The following OSBP variants were observed in gnomAD, a reference collection of about 807,000 sequenced individuals.
The protein encoded by OSBP is oxysterol-binding protein 1.
A neutral mutation model predicts 96.6 loss-of-function variants in OSBP; 32 were observed. That is an observed-to-expected ratio of 0.33 (90% CI 0.25 to 0.45). The LOEUF is 0.45. Ranked by LOEUF, OSBP falls within the 20% of genes least tolerant of loss-of-function variation. OSBP has a pLI of 1.00. For missense variants in OSBP, 653 were observed against 1,029.7 expected (o/e 0.63, Z 5.01); for synonymous variants, 369 against 389.6 (o/e 0.95, Z 0.62).
chr11:59,605,084 C>T (rs1016480859), intron 3 of OSBP, among the ~76,000 whole-genome samples: 8 of 150,284 alleles, frequency 5.3e-5, no homozygotes, highest in African/African-American at 1.2e-4. Context: ...ACCCGGGAGG[C>T]GGAGGTTACA....
Position 59,610,364 on chromosome 11 carries a change from T to C in OSBP, c.571+17A>G, listed in dbSNP as rs1308755866. The C allele has an allele frequency of 6.2e-7, 1 of 1,607,368 alleles. No homozygotes were observed. The highest frequency in any genetic ancestry group is 8.5e-7 in the Non-Finnish European group (1 of 1,175,446). On this transcript the variant is annotated intron_variant, in intron 2 of 13. Coordinates refer to ENST00000263847, the MANE Select transcript of OSBP (RefSeq NM_002556.3). ...GCAAAAAGAAAGTTCCCCAGGCAGG[T>C]GTTCTTTGTTCCTGACCTGACTCTG...
In OSBP at chr11:59,608,517, T is replaced by C. The variant is rs149495826; in HGVS notation, c.789A>G (p.Thr263=). 1.2e-6 allele frequency: 2 copies of C among 1,614,036 alleles called. No individual in the cohort carries two copies. Among genetic ancestry groups the C allele is most frequent in the East Asian group, 4.5e-5 (2 of 44,878 alleles). ...TGGCATTGGATGTTATCCTAAAGAGTGTGGCTCGTTCGTTGACCTGTTTGA... is the reference window on the plus strand; with the variant it reads ...TGGCATTGGATGTTATCCTAAAGAGCGTGGCTCGTTCGTTGACCTGTTTGA... ...EKIKQVNERA[T]LFRITSNAMI... is the part of the protein sequence containing the mutation. Residue 263 remains threonine (T), a synonymous_variant, in exon 3 of 14, where the codon ACA becomes ACG. Transcript: ENST00000263847.
chr11:59,592,625 T>C (rs544696892), intron 9 of OSBP, among the ~76,000 whole-genome samples: 2 of 152,190 alleles, frequency 1.3e-5, no homozygotes, highest in South Asian at 2.1e-4. Context: ...TGGCCAAACA[T>C]GGTTGCTCTA....
chr11:59,615,268 G>A lies in OSBP; in HGVS notation c.362+35C>T, dbSNP rs1008669756. ...TGGGACTGTTGGCAGATATGGGGGA[G>A]GCAAGGTGAGCGACAGCGCCCCGGA... On this transcript the variant is annotated intron_variant, in intron 1 of 13. Coordinates refer to ENST00000263847, the MANE Select transcript of OSBP (RefSeq NM_002556.3). 20 of 1,538,212 alleles carry A rather than the reference G, an allele frequency of 1.3e-5. No homozygotes were observed. In the South Asian group the frequency reaches 1.9e-4, roughly 15 times the overall value.
chr11:59,589,160 T>C (rs1398962329), intron 9 of OSBP, among the ~76,000 whole-genome samples: 1 of 150,930 alleles, frequency 6.6e-6, no homozygotes, highest in African/African-American at 2.4e-5. Context: ...TCTTTTTTTT[T>C]TTTTTTTGTA....
At chr11:59,611,135 C>CAAAAAAAA (rs35074206) in intron 1 of OSBP, among the ~76,000 whole-genome samples, 5 of 59,888 alleles carry the variant, frequency 8.3e-5, no homozygotes, top group Admixed American at 1.7e-4. Flanking sequence ...AACTCCGTCT[C>CAAAAAAAA]AAAAAAAAAA....
intron 9 of OSBP, among the ~76,000 whole-genome samples, chr11:59,589,911 A>T (rs1860556397): frequency 6.6e-6 from 1 of 152,084 alleles, no homozygotes; most frequent in Non-Finnish European, 1.5e-5. Flanking sequence ...TGAACCCAGG[A>T]GGAGGAGGTT....
intron 2 of OSBP, 79 bp downstream of exon 2, chr11:59,610,302 G>T: frequency 8.5e-7 from 1 of 1,177,676 alleles, no homozygotes; most frequent in Non-Finnish European, 1.3e-6. Flanking sequence ...AAATGACACA[G>T]CATAATGATG....
Position 59,578,296 on chromosome 11 carries a change from A to C in OSBP, c.1913T>G (p.Val638Gly). 1 of 1,614,188 alleles carries C rather than the reference A, an allele frequency of 6.2e-7. No homozygotes were observed. The highest frequency in any genetic ancestry group is 8.5e-7 in the Non-Finnish European group (1 of 1,180,034). Reference sequence around the variant, plus strand: ...CCACGTCCCCAGAAGAGCAAAGTGGACTTTTCCTGATGGATCTGTCACTTC... The same window carrying C: ...CCACGTCCCCAGAAGAGCAAAGTGGCCTTTTCCTGATGGATCTGTCACTTC... ...TGEVTDPSGK[V>G]HFALLGTWDE... The change falls in exon 12 of 14, where the codon GTC becomes GGC. Residue 638 changes from valine to glycine, a missense_variant. Around this residue, in one of 6 missense-constraint regions of OSBP, gnomAD observed 169 missense variants for 251.5 expected, o/e 0.67. Coordinates refer to ENST00000263847, the MANE Select transcript of OSBP (RefSeq NM_002556.3).
chr11:59,605,548 A>G (rs1048653823), intron 3 of OSBP, among the ~76,000 whole-genome samples: 1 of 151,784 alleles, frequency 6.6e-6, no homozygotes, highest in Non-Finnish European at 1.5e-5. Context: ...TGTCTGGCTA[A>G]TTTTTTTATT....
chr11:59,607,538 T>C (rs1860796459), intron 3 of OSBP, among the ~76,000 whole-genome samples: 1 of 152,080 alleles, frequency 6.6e-6, no homozygotes, highest in Non-Finnish European at 1.5e-5. Context: ...TGGGAAAGTC[T>C]GGCACTAGAG....
intron 3 of OSBP, among the ~76,000 whole-genome samples, chr11:59,606,638 A>G (rs1331487043): frequency 1.3e-5 from 2 of 152,224 alleles, no homozygotes; most frequent in Non-Finnish European, 2.9e-5. Flanking sequence ...ATCACGCAAT[A>G]TACCTATGTA....
intron 7 of OSBP, among the ~76,000 whole-genome samples, chr11:59,594,561 G>A (rs1362825512): frequency 6.6e-6 from 1 of 152,208 alleles, no homozygotes; most frequent in Non-Finnish European, 1.5e-5. Context: ...CATCAAATAG[G>A]TGTTGGATGA....
rs767109972 is a variant in OSBP at position 59,576,982 on chromosome 11, T to A, written c.2104A>T (p.Thr702Ser). 7 of 1,613,984 alleles carry A rather than the reference T, an allele frequency of 4.3e-6. No homozygotes were observed. The South Asian group carries it at 7.7e-5, about 18-fold the overall frequency. ...GTGCCACTTTCCCAAGCATTGAGAGTCAGAGCAAGCTCTGAGAAGTAGTAC... is the reference window on the plus strand; with the variant it reads ...GTGCCACTTTCCCAAGCATTGAGAGACAGAGCAAGCTCTGAGAAGTAGTAC... Reference protein sequence around the residue: ...NMYYFSELALTLNAWESGTAP... With the variant: ...NMYYFSELALSLNAWESGTAP... Residue 702 changes from threonine (T) to serine (S), a missense_variant, in exon 13 of 14, where the codon ACT becomes TCT. This residue lies in a region of OSBP where 169 missense variants were observed against 251.5 expected (regional missense o/e 0.67). Coordinates refer to ENST00000263847, the MANE Select transcript of OSBP (RefSeq NM_002556.3).
At chr11:59,577,771 G>C (rs979489883) in intron 12 of OSBP, among the ~76,000 whole-genome samples, 1 of 152,178 alleles carries the variant, frequency 6.6e-6, no homozygotes, top group Non-Finnish European at 1.5e-5. Context: ...GATTGCAGGC[G>C]TGAGCCACCG....
intron 1 of OSBP, among the ~76,000 whole-genome samples, chr11:59,611,630 A>G (rs1315226973): frequency 3.9e-5 from 6 of 152,208 alleles, no homozygotes; most frequent in Non-Finnish European, 1.5e-5. Context: ...GGAATCACCA[A>G]GTGTTTTAAT....
chr11:59,607,074 T>G (rs1014706639), intron 3 of OSBP, among the ~76,000 whole-genome samples: 4 of 152,204 alleles, frequency 2.6e-5, no homozygotes, highest in Non-Finnish European at 4.4e-5. Flanking sequence ...AAGGGATGCT[T>G]TACTTAGCAA....
intron 12 of OSBP, 97 bp from the exon 13 acceptor site, chr11:59,577,122 A>G: frequency 2.2e-6 from 2 of 926,504 alleles, no homozygotes; most frequent in Admixed American, 2.6e-5. Flanking sequence ...CACATCACCA[A>G]GGCTGTTCTA....
intron 1 of OSBP, among the ~76,000 whole-genome samples, chr11:59,611,578 T>C (rs1163955805): frequency 1.3e-5 from 2 of 152,156 alleles, no homozygotes; most frequent in Non-Finnish European, 2.9e-5. Context: ...ATGGTTCAAA[T>C]GATATGAAAT....
Sources: allele counts gnomAD v4.1 joint callset (sites outside exome capture counted in the v4.1 genomes callset), GRCh38; gene constraint gnomAD v4.1.1; regional missense constraint gnomAD v4.1.1; transcripts MANE v1.5; gene names NCBI Gene and HGNC (gene_info 2026-07-23, HGNC 2026-07-21).